The following PGAP4 variants were observed in gnomAD, a reference collection of about 807,000 sequenced individuals.
PGAP4 encodes post-GPI attachment to proteins GalNAc transferase 4, also known as GPI-N-acetylgalactosamine transferase PGAP4.
PGAP4 carries 12 observed loss-of-function variants against 28.2 expected under a neutral mutation model. The observed-to-expected ratio is 0.42, with a 90% CI of 0.27 to 0.69. The LOEUF (loss-of-function observed/expected upper bound fraction) is 0.69. Ranked by LOEUF, PGAP4 falls within the 30% of genes least tolerant of loss-of-function variation. The pLI, the probability that PGAP4 is intolerant of heterozygous loss-of-function variation, is 0.22. For synonymous variants in PGAP4, 205 were observed against 211.8 expected (o/e 0.97, Z 0.28); for missense variants, 425 against 513.5 (o/e 0.83, Z 1.67).
intron 1 of PGAP4, among the ~76,000 whole-genome samples, chr9:101,483,684 T>C (rs1043162729): frequency 1.3e-5 from 2 of 152,134 alleles, no homozygotes; most frequent in Admixed American, 6.5e-5. Flanking sequence ...TCTGTATCTA[T>C]ATTATCTATA....
chr9:101,517,669 C>A (rs1826953824), intron 2 of PGAP4, among the ~76,000 whole-genome samples: 1 of 151,998 alleles, frequency 6.6e-6, no homozygotes, highest in South Asian at 2.1e-4. Context: ...ACAGGAGAGA[C>A]TATACAGTTA....
chr9:101,477,298 G>A (rs1826356413), intron 1 of PGAP4, 129 bp from the exon 2 acceptor site: 1 of 576,822 alleles, frequency 1.7e-6, no homozygotes. Flanking sequence ...AGGAGGCTCT[G>A]TAGCTTCTAC....
At position 101,474,797 on chromosome 9, in the gene PGAP4, C is replaced by T. The variant is rs180689325; in HGVS notation, c.*1084G>A. Reference sequence around the variant, plus strand: ...GCGTCTTCTATGGACTAAGCACTTGCTAGGTGTTTTACATATATTCTGCCA... The same window carrying T: ...GCGTCTTCTATGGACTAAGCACTTGTTAGGTGTTTTACATATATTCTGCCA... On this transcript the variant is annotated 3_prime_UTR_variant, in exon 2 of 2. Coordinates refer to ENST00000374848, the MANE Select transcript of PGAP4 (RefSeq NM_032342.3). 67 of 152,190 alleles carry T rather than the reference C, an allele frequency of 4.4e-4. No homozygotes were observed. Among genetic ancestry groups the T allele is most frequent in the African/African-American group, 1.6e-3 (66 of 41,536 alleles). 9.4% of individuals were successfully genotyped at this position (152,190 alleles called of 1,614,324 possible). A position where few individuals can be genotyped will look rare whatever the true frequency, so the allele number is the denominator to read the frequency against.
intron 2 of PGAP4, among the ~76,000 whole-genome samples, chr9:101,516,556 G>T (rs937326068): frequency 3.3e-5 from 5 of 152,120 alleles, no homozygotes; most frequent in Non-Finnish European, 7.4e-5. Context: ...CAATTTCAAT[G>T]ATAAGTGGCT....
chr9:101,493,425 CAGAT>C (rs1281013571), intron 2 of PGAP4, among the ~76,000 whole-genome samples: 1 of 152,068 alleles, frequency 6.6e-6, no homozygotes, highest in Non-Finnish European at 1.5e-5. Context: ...AGTTTATACT[CAGAT>C]TGATCATTAC....
chr9:101,499,384 C>T (rs1417440938), intron 2 of PGAP4, among the ~76,000 whole-genome samples: 4 of 151,614 alleles, frequency 2.6e-5, no homozygotes, highest in African/African-American at 4.8e-5. Flanking sequence ...TATATGTCAA[C>T]CTAAATAACA....
At chr9:101,522,257 T>C (rs961432668) in intron 2 of PGAP4, among the ~76,000 whole-genome samples, 1 of 152,148 alleles carries the variant, frequency 6.6e-6, no homozygotes, top group African/African-American at 2.4e-5. Context: ...TTTAAATCCA[T>C]TGTTTCTTTG....
intron 2 of PGAP4, among the ~76,000 whole-genome samples, chr9:101,519,155 G>GGTTTC (rs1298256303): frequency 9.2e-6 from 1 of 108,714 alleles, no homozygotes; most frequent in Non-Finnish European, 2.3e-5. Context: ...ACTTTTGTTT[G>GGTTTC]GTTTTGTTTT....
chr9:101,509,473 G>A (rs1372309313), intron 2 of PGAP4, among the ~76,000 whole-genome samples: 1 of 152,148 alleles, frequency 6.6e-6, no homozygotes, highest in Non-Finnish European at 1.5e-5. Context: ...TGCCAGTGGT[G>A]ACTATTTTTC....
chr9:101,531,344 C>A (rs1374977760), intron 2 of PGAP4: 2 of 152,102 alleles, frequency 1.3e-5, no homozygotes, highest in Non-Finnish European at 2.9e-5. Context: ...ATATGGTTAC[C>A]TACATGGTGA....
chr9:101,519,652 C>CAT lies in PGAP4; in HGVS notation c.-165+11694_-165+11695dup, dbSNP rs202071086. On this transcript the variant is annotated intron_variant, in intron 2 of 3. Coordinates refer to the PGAP4 transcript ENST00000374851. Reference sequence around the variant, plus strand: ...ATATGTATATGTATGTATATATATACATACATATATATATACACACATACA... The same window carrying CAT: ...ATATGTATATGTATGTATATATATACATATACATATATATATACACACATACA... Among the ~76,000 whole-genome samples, 1,473 of 150,144 alleles carry CAT rather than the reference C, an allele frequency of 9.8e-3. 20 individuals carry two copies. The highest frequency in any genetic ancestry group is 0.034 in the African/African-American group (1,402 of 40,962).
intron 2 of PGAP4, among the ~76,000 whole-genome samples, chr9:101,504,820 C>T (rs1415096370): frequency 6.6e-6 from 1 of 152,008 alleles, no homozygotes; most frequent in African/African-American, 2.4e-5. Flanking sequence ...AAGGAAAAAT[C>T]ACTGGCTAAG....
At chr9:101,499,404 A>C in intron 2 of PGAP4, among the ~76,000 whole-genome samples, 1 of 151,988 alleles carries the variant, frequency 6.6e-6, no homozygotes, top group Admixed American at 6.6e-5. Flanking sequence ...AGAGTCTCTC[A>C]AAAAGAAAAA....
At chr9:101,487,529 C>A (rs112600210), upstream of PGAP4, among the ~76,000 whole-genome samples, 43 of 152,214 alleles carry the variant, frequency 2.8e-4, no homozygotes, top group African/African-American at 1.0e-3. Flanking sequence ...CCCGGCAAAG[C>A]AAATAGGAAA....
At chr9:101,528,499 C>T (rs1304956656) in intron 2 of PGAP4, among the ~76,000 whole-genome samples, 1 of 152,076 alleles carries the variant, frequency 6.6e-6, no homozygotes, top group Non-Finnish European at 1.5e-5. Flanking sequence ...CAAATCTTAC[C>T]TTTGTAATTA....
intron 2 of PGAP4, among the ~76,000 whole-genome samples, chr9:101,509,214 C>A (rs556374832): frequency 6.6e-6 from 1 of 152,286 alleles, no homozygotes; most frequent in Non-Finnish European, 1.5e-5. Flanking sequence ...CACCCACCAG[C>A]TGAAAGAAAG....
At chr9:101,504,349 G>A (rs7870060) in intron 2 of PGAP4, among the ~76,000 whole-genome samples, 24,701 of 150,840 alleles carry the variant, frequency 0.16, 2,580 homozygotes, top group African/African-American at 0.29. Context: ...ATTTGTAGGT[G>A]GGATGCTGCC....
chr9:101,500,684 G>A (rs887578038), intron 2 of PGAP4, among the ~76,000 whole-genome samples: 1 of 151,882 alleles, frequency 6.6e-6, no homozygotes, highest in African/African-American at 2.4e-5. Flanking sequence ...GAAGGTAGAT[G>A]GAAATGAAGA....
At chr9:101,522,973 T>C (rs1456670876) in intron 2 of PGAP4, among the ~76,000 whole-genome samples, 2 of 152,174 alleles carry the variant, frequency 1.3e-5, no homozygotes, top group Non-Finnish European at 2.9e-5. Context: ...GTATCTTTCC[T>C]TCCTATATGA....
Sources: gnomAD v4.1 joint callset for allele counts (sites outside exome capture counted in the v4.1 genomes callset) on GRCh38, gnomAD v4.1.1 for gene constraint, MANE v1.5 for transcripts, NCBI Gene and HGNC (gene_info 2026-07-23, HGNC 2026-07-21) for gene names.